The following DNAH10 variants were observed in gnomAD, a reference collection of about 807,000 sequenced individuals.
The protein encoded by DNAH10 is dynein axonemal heavy chain 10, also known as axonemal beta dynein heavy chain 10.
Under a neutral mutation model 506.6 loss-of-function variants are expected in DNAH10, and 348 were observed. The observed-to-expected ratio is 0.69, with a 90% CI of 0.63 to 0.75. The LOEUF (loss-of-function observed/expected upper bound fraction) is 0.75. Among genes scored for constraint, DNAH10 ranks in the 30% least tolerant of loss-of-function variants. DNAH10 has a pLI of 0.00. For synonymous variants in DNAH10, 2,059 were observed against 2,198.6 expected (o/e 0.94, Z 1.78); for missense variants, 5,179 against 5,787.1 (o/e 0.89, Z 3.41).
intron 32 of DNAH10, among the ~76,000 whole-genome samples, chr12:123,847,322 A>G (rs1187041961): frequency 6.9e-6 from 1 of 144,344 alleles, no homozygotes; most frequent in Non-Finnish European, 1.5e-5. Context: ...CTATCTATCT[A>G]TCTATCTATC....
At chr12:123,841,677 A>G (rs1950781095) in intron 30 of DNAH10, 132 bp downstream of exon 30, 2 of 751,000 alleles carry the variant, frequency 2.7e-6, no homozygotes, top group South Asian at 3.7e-5. Context: ...TCATTAGTGG[A>G]CAGATAGATG....
rs562414358 is a variant in DNAH10, at chr12:123,921,473, G to C, written c.11507-2290G>C. Among the ~76,000 whole-genome samples, 8 of 152,300 alleles carry C rather than the reference G, an allele frequency of 5.3e-5. No homozygotes were observed. The South Asian group carries it at 1.5e-3, about 28-fold the overall frequency. ...TGCCTGGCAGCATGGAGTGAGAGGG[G>C]ATCTGGGATCTGACGGCTTGTCAAA... is the stretch of plus-strand genomic sequence containing the variant. On this transcript the variant is annotated intron_variant, in intron 65 of 78. Coordinates refer to ENST00000673944, the MANE Select transcript of DNAH10 (RefSeq NM_001372106.1).
At chr12:123,899,713 C>T (rs1953429184) in intron 56 of DNAH10, among the ~76,000 whole-genome samples, 1 of 152,208 alleles carries the variant, frequency 6.6e-6, no homozygotes, top group African/African-American at 2.4e-5. Context: ...TATTTGTGTT[C>T]ATTCATTGCA....
intron 57 of DNAH10, among the ~76,000 whole-genome samples, chr12:123,905,195 T>C (rs1346256497): frequency 6.6e-6 from 1 of 152,246 alleles, no homozygotes; most frequent in East Asian, 1.9e-4. Flanking sequence ...ACTTCCCCGA[T>C]ATTTTAGAAC....
chr12:123,909,232 G>C lies in DNAH10; in HGVS notation c.9816-29G>C. The C allele has an allele frequency of 1.2e-6, 2 of 1,606,762 alleles. No individual in the cohort carries two copies. Among genetic ancestry groups the C allele is most frequent in the Non-Finnish European group, 1.7e-6 (2 of 1,177,250 alleles). ...CAGATCCTGGCCACATCCCGGGGTT[G>C]TGACCCACGTGCCTTGGTTTCTTGC... On this transcript the variant is annotated intron_variant, in intron 57 of 78. Transcript: ENST00000673944. The surrounding 1 kb of genome is among the most constrained non-coding windows in gnomAD (Gnocchi z 5.4).
intron 67 of DNAH10, 130 bp from the exon 68 acceptor site, chr12:123,924,920 C>G: frequency 8.5e-7 from 1 of 1,175,066 alleles, no homozygotes; most frequent in East Asian, 2.5e-5. Context: ...CAGATCTGAC[C>G]AGGTGGCCTT....
At position 123,935,353 on chromosome 12, in the gene DNAH10, G is replaced by C; in HGVS notation, c.13642G>C (p.Val4548Leu). The C allele has an allele frequency of 1.2e-6, 2 of 1,605,546 alleles. No homozygotes were observed. Among genetic ancestry groups the C allele is most frequent in the Non-Finnish European group, 1.7e-6 (2 of 1,173,290 alleles). ...LKLQNTFRTP[V>L]YTTSMRRNAM... is the part of the protein sequence containing the mutation. ...CTTGCAGAATACTTTCCGGACCCCC[G>C]TCTACACCACCTCCATGAGAAGGAA... Residue 4548 changes from valine (V) to leucine (L), a missense_variant, in exon 79 of 79, where the codon GTC (valine) becomes CTC (leucine). Coordinates refer to ENST00000673944, the MANE Select transcript of DNAH10 (RefSeq NM_001372106.1).
At chr12:123,773,846 C>A (rs1165798464) in intron 4 of DNAH10, among the ~76,000 whole-genome samples, 1 of 152,208 alleles carries the variant, frequency 6.6e-6, no homozygotes, top group African/African-American at 2.4e-5. Context: ...GCCAACATTT[C>A]TAGACAACCC....
intron 27 of DNAH10, among the ~76,000 whole-genome samples, chr12:123,834,499 T>C (rs531242194): frequency 6.6e-6 from 1 of 152,348 alleles, no homozygotes; most frequent in South Asian, 2.1e-4. Context: ...TGAGCCACTG[T>C]GTTCAGTCAA....
rs28435362 is a variant in DNAH10, at chr12:123,902,629, C to T, written c.9641-310C>T. 6.6e-6 allele frequency among the ~76,000 whole-genome samples: 1 copy of T among 151,744 alleles called. No individual in the cohort carries two copies. Among genetic ancestry groups the T allele is most frequent in the Non-Finnish European group, 1.5e-5 (1 of 67,954 alleles). ...CAGGAGGGGGACCCCAGCATCCTCACTGAACACCGGCGAGGCAGGGCTGGG... is the reference window on the plus strand; with the variant it reads ...CAGGAGGGGGACCCCAGCATCCTCATTGAACACCGGCGAGGCAGGGCTGGG... On this transcript the variant is annotated intron_variant, in intron 56 of 78. Coordinates refer to ENST00000673944, the MANE Select transcript of DNAH10 (RefSeq NM_001372106.1). The surrounding 1 kb of genome is among the most constrained non-coding windows in gnomAD (Gnocchi z 4.5).
At chr12:123,885,899 C>G (rs1952707263) in intron 51 of DNAH10, among the ~76,000 whole-genome samples, 1 of 152,104 alleles carries the variant, frequency 6.6e-6, no homozygotes, top group South Asian at 2.1e-4. Flanking sequence ...TGTATTGCCC[C>G]TTTATATACT....
At chr12:123,857,958 A>G (rs960768734) in intron 37 of DNAH10, among the ~76,000 whole-genome samples, 3 of 152,160 alleles carry the variant, frequency 2.0e-5, no homozygotes, top group African/African-American at 4.8e-5. Flanking sequence ...AGAATCATGT[A>G]ATTTTTGTCC....
intron 48 of DNAH10, among the ~76,000 whole-genome samples, chr12:123,878,422 AG>A (rs1221715036): frequency 6.6e-6 from 1 of 152,226 alleles, no homozygotes; most frequent in Non-Finnish European, 1.5e-5. Context: ...TGAATCCAGA[AG>A]ATACTGAAAA....
At chr12:123,865,846 T>C (rs1951783000) in intron 40 of DNAH10, 105 bp from the exon 41 acceptor site, 1 of 1,181,626 alleles carries the variant, frequency 8.5e-7, no homozygotes, top group East Asian at 2.7e-5. Flanking sequence ...TGGTATTATT[T>C]GGATTTCATG....
At position 123,899,472 on chromosome 12, in the gene DNAH10, G is replaced by A. The variant is rs190449708; in HGVS notation, c.9640+658G>A. 4.5e-4 allele frequency among the ~76,000 whole-genome samples: 69 copies of A among 152,268 alleles called. No individual in the cohort carries two copies. The East Asian group carries it at 0.013, about 29-fold the overall frequency. ...CCTTCTCCTGCTGGTCCGTGTTCGT[G>A]TTGCTGCTAAGTGTCATCTCGGTTC... On this transcript the variant is annotated intron_variant, in intron 56 of 78. Transcript: ENST00000673944.
intron 5 of DNAH10, among the ~76,000 whole-genome samples, chr12:123,776,426 C>CT (rs1162948517): frequency 1.3e-5 from 2 of 151,510 alleles, no homozygotes; most frequent in African/African-American, 2.4e-5. Flanking sequence ...GGCCCCATCT[C>CT]TAAAAAAAAA....
Position 123,783,940 on chromosome 12 carries a change from C to G in DNAH10, c.1000-7C>G, listed in dbSNP as rs1390363585. 3 of 1,612,840 alleles carry G rather than the reference C, an allele frequency of 1.9e-6. No individual in the cohort carries two copies. In the African/African-American group the frequency reaches 4.0e-5, roughly 22 times the overall value. On this transcript the variant is annotated splice_polypyrimidine_tract_variant and splice_region_variant and intron_variant, in intron 7 of 78. Coordinates refer to ENST00000673944, the MANE Select transcript of DNAH10 (RefSeq NM_001372106.1). ...AGAGTTCTTTGTGTGTTCATTTCAC[C>G]TCTCAGGGTAAAGGCCCTCTGGCTG...
chr12:123,877,743 A>T lies in DNAH10; in HGVS notation c.8207A>T (p.His2736Leu), dbSNP rs1190012414. ...SILKGHTSTF[H>L]ESIVAVSGKL... ...TGTCTTTGCATTTTTCAGACGTTTC[A>T]TGAGAGCATTGTGGCTGTGAGTGGC... Residue 2736 changes from histidine (H) to leucine (L), a missense_variant, in exon 48 of 79, where the codon CAT becomes CTT. This residue lies in a region of DNAH10 where 4,844 missense variants were observed against 5,430.5 expected (regional missense o/e 0.89). Transcript: ENST00000673944. 2 of 1,612,576 alleles carry T rather than the reference A, an allele frequency of 1.2e-6. No homozygotes were observed. The highest frequency in any genetic ancestry group is 8.5e-7 in the Non-Finnish European group (1 of 1,179,354).
chr12:123,915,677 G>A (rs1446323540), intron 62 of DNAH10, among the ~76,000 whole-genome samples: 6 of 152,168 alleles, frequency 3.9e-5, no homozygotes, highest in Admixed American at 6.5e-5. Context: ...TTCAAGGTCC[G>A]TCCTTGCTGT....
Sources: gnomAD v4.1 joint callset for allele counts (sites outside exome capture counted in the v4.1 genomes callset) on GRCh38, gnomAD v4.1.1 for gene constraint, gnomAD v4.1.1 regional missense constraint, Gnocchi (gnomAD v3.1) non-coding constraint, MANE v1.5 for transcripts, NCBI Gene and HGNC (gene_info 2026-07-23, HGNC 2026-07-21) for gene names.